The following GNG10 variants were observed in gnomAD, a reference collection of about 807,000 sequenced individuals.
GNG10 encodes guanine nucleotide-binding protein G(I)/G(S)/G(O) subunit gamma-10.
In GNG10, 7 loss-of-function variants were observed where a neutral mutation model predicts 6.8. That is an observed-to-expected ratio of 1.02 (90% confidence interval 0.58 to 1.92). The LOEUF (loss-of-function observed/expected upper bound fraction) is 1.92, where lower values mean the gene tolerates loss of function less well. Among genes scored for constraint, GNG10 ranks in the 30% most tolerant of loss-of-function variants. The pLI is 0.00. For synonymous variants in GNG10, 28 were observed against 34.8 expected (o/e 0.80, Z 0.69); for missense variants, 57 against 86.1 (o/e 0.66, Z 1.34).
At chr9:111,667,622 C>T (rs1830925255) in intron 2 of GNG10, among the ~76,000 whole-genome samples, 3 of 152,172 alleles carry the variant, frequency 2.0e-5, no homozygotes, top group Admixed American at 1.3e-4. Flanking sequence ...ACTTGCTACT[C>T]TTGGGAATAA....
intron 2 of GNG10, among the ~76,000 whole-genome samples, chr9:111,668,443 C>T (rs1830942542): frequency 6.9e-6 from 1 of 145,748 alleles, no homozygotes; most frequent in Non-Finnish European, 1.5e-5. Flanking sequence ...CCCCTCCCCT[C>T]CCCTCCCCTC....
intron 2 of GNG10, among the ~76,000 whole-genome samples, chr9:111,667,449 C>T (rs534849298): frequency 2.8e-4 from 42 of 152,150 alleles, no homozygotes; most frequent in African/African-American, 9.9e-4. Flanking sequence ...AGGCTGGTCT[C>T]GAACTCCTGA....
chr9:111,661,609 G>T lies in GNG10; in HGVS notation c.-26G>T, dbSNP rs758539149. The T allele has an allele frequency of 1.3e-5, 16 of 1,268,418 alleles. No individual in the cohort carries two copies. The South Asian group carries it at 2.4e-4, about 19-fold the overall frequency. 78.6% of individuals were successfully genotyped at this position (1,268,418 alleles called of 1,614,324 possible). ...CCTCCCCGCCCGGCCGGGCCCAGCA[G>T]CCCCTAGGAGCCCAGCGCCGCCGCC... On this transcript the variant is annotated 5_prime_UTR_variant, in exon 1 of 3. Coordinates refer to ENST00000374293, the MANE Select transcript of GNG10 (RefSeq NM_001017998.4). The surrounding 1 kb of genome is among the most constrained non-coding windows in gnomAD (Gnocchi z 6.1).
rs556694952 is a variant in GNG10 at position 111,663,983 on chromosome 9, C to A, written c.81+2268C>A. Among the ~76,000 whole-genome samples, 4 of 150,294 alleles carry A rather than the reference C, an allele frequency of 2.7e-5. No individual in the cohort carries two copies. In the South Asian group the frequency reaches 8.4e-4, roughly 32 times the overall value. ...TTACGGGCACCTGCCACCACGTCCACTAATTGGCTTTTTTTTTTTTTTTGT... is the reference window on the plus strand; with the variant it reads ...TTACGGGCACCTGCCACCACGTCCAATAATTGGCTTTTTTTTTTTTTTTGT... On this transcript the variant is annotated intron_variant, in intron 1 of 2. Transcript: ENST00000374293.
At chr9:111,666,748 G>T in intron 1 of GNG10, 67 bp from the exon 2 acceptor site, 1 of 1,539,418 alleles carries the variant, frequency 6.5e-7, no homozygotes. Flanking sequence ...ATCGTTTTCA[G>T]AATATCCTTG....
intron 2 of GNG10, among the ~76,000 whole-genome samples, chr9:111,668,425 TCTTCCCTC>T (rs1830940208): frequency 1.2e-5 from 1 of 82,968 alleles, no homozygotes; most frequent in South Asian, 3.7e-4. Context: ...AAAGCTTCCT[TCTTCCCTC>T]CCCTCCCCTC....
chr9:111,665,924 CAG>C (rs1830890007), intron 1 of GNG10, among the ~76,000 whole-genome samples: 1 of 136,384 alleles, frequency 7.3e-6, no homozygotes, highest in African/African-American at 2.9e-5. Flanking sequence ...TTAGTAGAGA[CAG>C]GGTTTCACCA....
chr9:111,661,737 G>A lies in GNG10; in HGVS notation c.81+22G>A, dbSNP rs1830821466. The A allele has an allele frequency of 3.9e-6, 5 of 1,287,870 alleles. No individual in the cohort carries two copies. Among genetic ancestry groups the A allele is most frequent in the East Asian group, 3.7e-5 (1 of 26,946 alleles). The allele number at this position is 1,287,870 out of a possible 1,614,324, so 79.8% of individuals were successfully genotyped here. Reference sequence around the variant, plus strand: ...CAAGGTGCGGGCCCCGGGTACCCACGCTCCGGTCCTTCCGCCCGCGGGGCG... The same window carrying A: ...CAAGGTGCGGGCCCCGGGTACCCACACTCCGGTCCTTCCGCCCGCGGGGCG... On this transcript the variant is annotated intron_variant, in intron 1 of 2. Transcript: ENST00000374293. This position sits in a 1 kb window ranked among gnomAD's most constrained non-coding sequence, Gnocchi z 6.1.
At chr9:111,666,783 CAGG>C (rs1830906351) in intron 1 of GNG10, 29 bp from the exon 2 acceptor site, 2 of 1,605,294 alleles carry the variant, frequency 1.2e-6, no homozygotes, top group East Asian at 4.5e-5. Context: ...TGGCTGTGAG[CAGG>C]GTGCCATGTT....
At chr9:111,666,787 G>A in intron 1 of GNG10, 28 bp from the exon 2 acceptor site, 1 of 1,608,908 alleles carries the variant, frequency 6.2e-7, no homozygotes. Flanking sequence ...TGTGAGCAGG[G>A]TGCCATGTTG....
rs904874131 is a variant in GNG10 at position 111,669,876 on chromosome 9, C to T, written c.*614C>T. Reference sequence around the variant, plus strand: ...ATGGGAGCAGATTCTTAGCAAACTTCTTTGGAAAAGTTAATGTTATGATGT... The same window carrying T: ...ATGGGAGCAGATTCTTAGCAAACTTTTTTGGAAAAGTTAATGTTATGATGT... On this transcript the variant is annotated 3_prime_UTR_variant, in exon 3 of 3. Coordinates refer to ENST00000374293, the MANE Select transcript of GNG10 (RefSeq NM_001017998.4). 6.6e-5 allele frequency: 9 copies of T among 135,542 alleles called. No homozygotes were observed. Among genetic ancestry groups the T allele is most frequent in the African/African-American group, 2.6e-4 (9 of 34,812 alleles). 8.4% of individuals were successfully genotyped at this position (135,542 alleles called of 1,614,324 possible). A position where few individuals can be genotyped will look rare whatever the true frequency, so the allele number is the denominator to read the frequency against.
At position 111,661,667 on chromosome 9, in the gene GNG10, GC is replaced by G. The variant is rs1322536113; in HGVS notation, c.34del (p.Arg12AlafsTer3). The G allele has an allele frequency of 7.2e-7, 1 of 1,383,886 alleles. No homozygotes were observed. The highest frequency in any genetic ancestry group is 1.5e-5 in the African/African-American group (1 of 66,648). The allele number at this position is 1,383,886 out of a possible 1,614,324, so 85.7% of individuals were successfully genotyped here. A position where few individuals can be genotyped will look rare whatever the true frequency, so the allele number is the denominator to read the frequency against. On this transcript the variant is annotated frameshift_variant, in exon 1 of 3. Coordinates refer to ENST00000374293, the MANE Select transcript of GNG10 (RefSeq NM_001017998.4). LOFTEE classifies it high-confidence loss of function. This position sits in a 1 kb window ranked among gnomAD's most constrained non-coding sequence, Gnocchi z 6.1. ...SSGASASALQ[R>X]LVEQLKLEAG... ...CCGGGGCTAGCGCGAGCGCCCTGCA[GC>G]GCTTGGTAGAGCAGCTCAAGTTGGA...
At chr9:111,665,582 G>C (rs938273628) in intron 1 of GNG10, among the ~76,000 whole-genome samples, 6 of 152,122 alleles carry the variant, frequency 3.9e-5, no homozygotes, top group African/African-American at 1.4e-4. Context: ...AGACCTCCAG[G>C]AGGCTATCTT....
At chr9:111,664,083 C>T (rs1830865313) in intron 1 of GNG10, among the ~76,000 whole-genome samples, 1 of 151,852 alleles carries the variant, frequency 6.6e-6, no homozygotes, top group Admixed American at 6.6e-5. Flanking sequence ...GATCCTCCCG[C>T]CTCAAGCTCC....
At chr9:111,662,199 G>A (rs1830832319) in intron 1 of GNG10, among the ~76,000 whole-genome samples, 1 of 152,146 alleles carries the variant, frequency 6.6e-6, no homozygotes, top group Admixed American at 6.5e-5. Flanking sequence ...CAGGTTTGGG[G>A]AAATGATGAG....
intron 1 of GNG10, among the ~76,000 whole-genome samples, chr9:111,662,140 T>C (rs1003008710): frequency 6.6e-6 from 1 of 151,928 alleles, no homozygotes; most frequent in Non-Finnish European, 1.5e-5. Flanking sequence ...TCTGTCGTCG[T>C]GACAGGGTGG....
intron 1 of GNG10, among the ~76,000 whole-genome samples, chr9:111,665,275 A>G (rs1038625729): frequency 6.6e-6 from 1 of 152,160 alleles, no homozygotes; most frequent in Admixed American, 6.5e-5. Context: ...AGAAATATGC[A>G]TCAAATGGAA....
chr9:111,666,258 C>T (rs894368429), intron 1 of GNG10, among the ~76,000 whole-genome samples: 1 of 152,184 alleles, frequency 6.6e-6, no homozygotes, highest in Non-Finnish European at 1.5e-5. Context: ...GCTACTGAGA[C>T]GTTGAGTAAC....
At chr9:111,667,057 C>G in intron 2 of GNG10, 111 bp downstream of exon 2, 2 of 1,474,802 alleles carry the variant, frequency 1.4e-6, no homozygotes, top group Non-Finnish European at 1.8e-6. Context: ...GAAATTAAAA[C>G]AAGAGCCAGC....
Sources: allele counts gnomAD v4.1 joint callset (sites outside exome capture counted in the v4.1 genomes callset), GRCh38; gene constraint gnomAD v4.1.1; non-coding constraint Gnocchi (gnomAD v3.1); transcripts MANE v1.5; gene names NCBI Gene and HGNC (gene_info 2026-07-23, HGNC 2026-07-21).